Variants in ADGRB3 observed in about 807,000 individuals in gnomAD.
The protein encoded by ADGRB3 is adhesion G protein-coupled receptor B3.
In ADGRB3, 37 loss-of-function variants were observed where a neutral mutation model predicts 193.4. The ratio of observed to expected loss-of-function variants is 0.19; its 90% CI spans 0.15 to 0.25. The LOEUF is 0.25. Ranked by LOEUF, ADGRB3 falls within the 10% of genes least tolerant of loss-of-function variation. The probability of loss-of-function intolerance (pLI) is 1.00; values close to 1 mark genes in which losing one functional copy is unlikely to be tolerated. For missense variants in ADGRB3, 1,637 were observed against 1,852.9 expected (o/e 0.88, Z 2.14); for synonymous variants, 690 against 644.2 (o/e 1.07, Z -1.08).
intron 3 of ADGRB3, among the ~76,000 whole-genome samples, chr6:68,718,828 C>T (rs1173244703): frequency 6.6e-6 from 1 of 151,776 alleles, no homozygotes; most frequent in Non-Finnish European, 1.5e-5. Flanking sequence ...ACCTGGCCCA[C>T]TGCCTGTTTT....
At chr6:69,029,307 AC>A (rs1372920903) in intron 13 of ADGRB3, among the ~76,000 whole-genome samples, 1 of 152,176 alleles carries the variant, frequency 6.6e-6, no homozygotes, top group Non-Finnish European at 1.5e-5. Context: ...GGCTAATTAC[AC>A]AAGTTATGCT....
intron 3 of ADGRB3, among the ~76,000 whole-genome samples, chr6:68,796,837 A>C (rs893250004): frequency 2.6e-5 from 4 of 152,160 alleles, no homozygotes; most frequent in Non-Finnish European, 5.9e-5. Context: ...GGAAAATGTC[A>C]GTATAGGAGA....
At chr6:69,091,432 A>G (rs1005237384) in intron 17 of ADGRB3, among the ~76,000 whole-genome samples, 1 of 152,216 alleles carries the variant, frequency 6.6e-6, no homozygotes, top group Admixed American at 6.5e-5. Context: ...AATGTGGTAC[A>G]TATACACCAT....
intron 8 of ADGRB3, among the ~76,000 whole-genome samples, chr6:68,963,569 T>G (rs1015842522): frequency 6.6e-6 from 1 of 152,104 alleles, no homozygotes; most frequent in African/African-American, 2.4e-5. Context: ...ATACATTTGT[T>G]CATATGTGAT....
At chr6:69,349,887 G>A (rs553789665) in intron 26 of ADGRB3, among the ~76,000 whole-genome samples, 72 of 152,332 alleles carry the variant, frequency 4.7e-4, no homozygotes, top group South Asian at 1.9e-3. Context: ...GTTTCAAACT[G>A]TGGAGCTCTT....
At chr6:69,039,547 G>A (rs1404728573) in intron 13 of ADGRB3, among the ~76,000 whole-genome samples, 2 of 152,028 alleles carry the variant, frequency 1.3e-5, no homozygotes, top group African/African-American at 4.8e-5. Context: ...ATTGTAGCAT[G>A]AAAGTAGACA....
rs1280612494 is a variant in ADGRB3 at position 69,265,324 on chromosome 6, TA to T, written c.2814+26099del. Among the ~76,000 whole-genome samples, 10 of 151,760 alleles carry T rather than the reference TA, an allele frequency of 6.6e-5. 1 individual carries two copies. Among genetic ancestry groups the T allele is most frequent in the Non-Finnish European group, 1.2e-4 (8 of 67,836 alleles). On this transcript the variant is annotated intron_variant, in intron 20 of 31. Coordinates refer to ENST00000370598, the MANE Select transcript of ADGRB3 (RefSeq NM_001704.3). The stretch of plus-strand genomic sequence containing the variant: ...CAGGGATGATTTGACTCAGATGAAA[TA>T]GCTATTTTTAAATGTAAATGTCTTT...
intron 17 of ADGRB3, among the ~76,000 whole-genome samples, chr6:69,183,662 A>G (rs888916105): frequency 2.0e-5 from 3 of 152,108 alleles, no homozygotes; most frequent in Non-Finnish European, 4.4e-5. Flanking sequence ...CTTAAATGAT[A>G]TATGTAAAAA....
chr6:68,796,160 G>A (rs553188358), intron 3 of ADGRB3, among the ~76,000 whole-genome samples: 12 of 152,172 alleles, frequency 7.9e-5, no homozygotes, highest in Non-Finnish European at 1.3e-4. Context: ...TCACAGAAAT[G>A]TATTGAATTA....
At chr6:69,235,206 T>G (rs1011457330) in intron 19 of ADGRB3, 71 bp downstream of exon 19, 6 of 1,150,114 alleles carry the variant, frequency 5.2e-6, no homozygotes, top group Non-Finnish European at 7.7e-6. Context: ...AATGTGATAA[T>G]TATTAAATGT....
rs922920929 is a variant in ADGRB3, at chr6:69,344,310, C to A, written c.3459+4806C>A. ...AGGTCTAGGCTGCACCAGATGAGGT[C>A]CCAAAATCTGTATCCAAACCTGTGA... is the stretch of plus-strand genomic sequence containing the variant. On this transcript the variant is annotated intron_variant, in intron 26 of 31. Transcript: ENST00000370598. Among the ~76,000 whole-genome samples the A allele has an allele frequency of 5.3e-4, 81 of 152,180 alleles. 1 individual carries two copies. The highest frequency in any genetic ancestry group is 1.8e-3 in the African/African-American group (74 of 41,450).
At chr6:69,080,849 A>C (rs1772366628) in intron 17 of ADGRB3, among the ~76,000 whole-genome samples, 1 of 152,022 alleles carries the variant, frequency 6.6e-6, no homozygotes, top group Non-Finnish European at 1.5e-5. Context: ...AACTGATTAC[A>C]TTATTACAGT....
chr6:68,742,546 C>T (rs1766001598), intron 3 of ADGRB3, among the ~76,000 whole-genome samples: 1 of 152,122 alleles, frequency 6.6e-6, no homozygotes, highest in Non-Finnish European at 1.5e-5. Context: ...GACTCCTCTG[C>T]TTCCCACATC....
intron 3 of ADGRB3, among the ~76,000 whole-genome samples, chr6:68,764,239 A>G (rs1347947297): frequency 6.6e-6 from 1 of 152,206 alleles, no homozygotes; most frequent in African/African-American, 2.4e-5. Context: ...CAGACAGGAA[A>G]TGCCAGAGTT....
intron 3 of ADGRB3, among the ~76,000 whole-genome samples, chr6:68,716,894 C>T (rs1292357683): frequency 6.6e-6 from 1 of 151,560 alleles, no homozygotes; most frequent in Admixed American, 6.6e-5. Context: ...TTTCTATGAG[C>T]CTGTAAATTT....
chr6:69,104,355 A>G (rs1773150765), intron 17 of ADGRB3, among the ~76,000 whole-genome samples: 1 of 151,586 alleles, frequency 6.6e-6, no homozygotes, highest in East Asian at 2.0e-4. Context: ...GTCCCTACAA[A>G]GGACATGAAC....
At chr6:69,160,055 A>G (rs1774942750) in intron 17 of ADGRB3, among the ~76,000 whole-genome samples, 1 of 152,090 alleles carries the variant, frequency 6.6e-6, no homozygotes, top group Non-Finnish European at 1.5e-5. Context: ...CATGGCCCAA[A>G]CATTCATGAT....
chr6:68,903,261 A>T (rs905025638), intron 3 of ADGRB3, among the ~76,000 whole-genome samples: 1 of 152,172 alleles, frequency 6.6e-6, no homozygotes, highest in Non-Finnish European at 1.5e-5. Context: ...TGAATAGGAG[A>T]TCATGCATTA....
At chr6:68,673,941 A>T (rs561746244) in intron 3 of ADGRB3, among the ~76,000 whole-genome samples, 5 of 152,232 alleles carry the variant, frequency 3.3e-5, no homozygotes, top group African/African-American at 1.2e-4. Context: ...TTACTGGAAG[A>T]GTTGCCAAAA....
Sources: gnomAD v4.1 joint callset for allele counts (sites outside exome capture counted in the v4.1 genomes callset) on GRCh38, gnomAD v4.1.1 for gene constraint, MANE v1.5 for transcripts, NCBI Gene and HGNC (gene_info 2026-07-23, HGNC 2026-07-21) for gene names.